The following PDLIM1 variants were observed in gnomAD, a reference collection of about 807,000 sequenced individuals.
PDLIM1 encodes the protein PDZ and LIM domain protein 1.
Under a neutral mutation model 35.2 loss-of-function variants are expected in PDLIM1, and 25 were observed. That is an observed-to-expected ratio of 0.71 (90% CI 0.52 to 0.99). The LOEUF is 0.99. Ranked by LOEUF, PDLIM1 falls within the 50% of genes least tolerant of loss-of-function variation. The pLI, the probability that PDLIM1 is intolerant of heterozygous loss-of-function variation, is 0.00. For missense variants in PDLIM1, 363 were observed against 415.3 expected (o/e 0.87, Z 1.09); for synonymous variants, 152 against 154.0 (o/e 0.99, Z 0.10).
chr10:95,254,531 A>G (rs540823784), intron 4 of PDLIM1, among the ~76,000 whole-genome samples: 1 of 152,362 alleles, frequency 6.6e-6, no homozygotes, highest in South Asian at 2.1e-4. Flanking sequence ...AAAGAGACAC[A>G]TTCACAATTT....
chr10:95,274,966 T>C (rs2035498761), intron 1 of PDLIM1, among the ~76,000 whole-genome samples: 1 of 152,206 alleles, frequency 6.6e-6, no homozygotes, highest in African/African-American at 2.4e-5. Context: ...GTTAGGAGGA[T>C]GAGAGGGGCC....
intron 1 of PDLIM1, among the ~76,000 whole-genome samples, chr10:95,285,711 A>AC (rs1737042208): frequency 6.6e-6 from 1 of 152,190 alleles, no homozygotes; most frequent in South Asian, 2.1e-4. Context: ...CTCCAGCTCT[A>AC]CCACTCACTG....
intron 4 of PDLIM1, among the ~76,000 whole-genome samples, chr10:95,262,872 G>A (rs751791316): frequency 6.6e-6 from 1 of 152,206 alleles, no homozygotes; most frequent in African/African-American, 2.4e-5. Flanking sequence ...AAAGGGCTTG[G>A]TGGCTCATGC....
rs59292355 is a variant in PDLIM1, at chr10:95,255,900, T to TACACACACACACAC, written c.533+7950_533+7963dup. ...GAAAACCCTAAAGATCCCCCCCCAC[T>TACACACACACACAC]ACACACACACACACACACACACACA... On this transcript the variant is annotated intron_variant, in intron 4 of 6. Transcript: ENST00000329399. Among the ~76,000 whole-genome samples the TACACACACACACAC allele has an allele frequency of 9.8e-3, 1,365 of 138,904 alleles. 14 individuals are homozygous for TACACACACACACAC. The highest frequency in any genetic ancestry group is 0.014 in the Middle Eastern group (4 of 276). 91.1% of individuals were successfully genotyped at this position (138,904 alleles called of 152,430 possible).
chr10:95,286,566 C>A (rs932772219), intron 1 of PDLIM1, among the ~76,000 whole-genome samples: 1 of 152,168 alleles, frequency 6.6e-6, no homozygotes, highest in African/African-American at 2.4e-5. Context: ...GGACATTGTA[C>A]CAGGCCCTCA....
intron 3 of PDLIM1, among the ~76,000 whole-genome samples, chr10:95,266,596 T>TGAGTTACTA (rs1394241262): frequency 6.6e-6 from 1 of 152,228 alleles, no homozygotes; most frequent in Non-Finnish European, 1.5e-5. Context: ...AGGATTTGTG[T>TGAGTTACTA]GAGTTACTAG....
intron 1 of PDLIM1, among the ~76,000 whole-genome samples, chr10:95,286,100 T>C (rs1046849905): frequency 2.0e-5 from 3 of 152,258 alleles, no homozygotes; most frequent in Admixed American, 1.3e-4. Context: ...CTCATGCCTG[T>C]AATCCCAGCA....
At chr10:95,267,995 G>A (rs1301052183) in intron 3 of PDLIM1, among the ~76,000 whole-genome samples, 1 of 152,114 alleles carries the variant, frequency 6.6e-6, no homozygotes, top group East Asian at 1.9e-4. Flanking sequence ...TGGGTGTGAG[G>A]AATTTTACAA....
At chr10:95,252,425 A>G (rs2035275450) in intron 4 of PDLIM1, among the ~76,000 whole-genome samples, 4 of 152,348 alleles carry the variant, frequency 2.6e-5, no homozygotes, top group African/African-American at 9.6e-5. Flanking sequence ...CATATCTGAG[A>G]GGAAGCCAGT....
Position 95,257,029 on chromosome 10 carries a change from AG to A in PDLIM1, c.533+6834del, listed in dbSNP as rs1589510537. On this transcript the variant is annotated intron_variant, in intron 4 of 6. Transcript: ENST00000329399. ...AAGAAAGAAAGAAAGAAAGAAAGAA[AG>A]AAAGAAAGAATTCAAAATAGATTAA... Among the ~76,000 whole-genome samples the A allele has an allele frequency of 1.4e-4, 21 of 150,716 alleles. 1 individual carries two copies. The South Asian group carries it at 1.9e-3, about 14-fold the overall frequency.
At chr10:95,244,350 C>T (rs993636351) in intron 5 of PDLIM1, among the ~76,000 whole-genome samples, 2 of 152,186 alleles carry the variant, frequency 1.3e-5, no homozygotes, top group Non-Finnish European at 2.9e-5. Flanking sequence ...AGTTTACAGA[C>T]GTGGCTTTAC....
intron 4 of PDLIM1, among the ~76,000 whole-genome samples, chr10:95,248,317 T>A (rs372033564): frequency 1.2e-3 from 180 of 152,322 alleles, no homozygotes; most frequent in African/African-American, 4.2e-3. Flanking sequence ...CAATCACAGG[T>A]AACTGTAACC....
chr10:95,247,124 CT>C, intron 5 of PDLIM1, 90 bp downstream of exon 5: 1 of 1,137,360 alleles, frequency 8.8e-7, no homozygotes, highest in South Asian at 1.5e-5. Context: ...CCAAAGCAGG[CT>C]CCAGAGTGTG....
At chr10:95,256,598 A>C (rs1414602664) in intron 4 of PDLIM1, among the ~76,000 whole-genome samples, 1 of 152,222 alleles carries the variant, frequency 6.6e-6, no homozygotes, top group East Asian at 1.9e-4. Context: ...TGGTTAAAGA[A>C]TAATTTCTTC....
chr10:95,282,682 G>A (rs2074683032), intron 1 of PDLIM1, among the ~76,000 whole-genome samples: 1 of 152,200 alleles, frequency 6.6e-6, no homozygotes, highest in Non-Finnish European at 1.5e-5. Flanking sequence ...GCTCATGCCG[G>A]TAATCCCAGC....
At chr10:95,276,812 C>G (rs2035515120) in intron 1 of PDLIM1, among the ~76,000 whole-genome samples, 1 of 145,504 alleles carries the variant, frequency 6.9e-6, no homozygotes. Flanking sequence ...ACTTAACCAA[C>G]TAGGCCACAC....
At position 95,263,966 on chromosome 10, in the gene PDLIM1, T is replaced by C; in HGVS notation, c.431A>G (p.Tyr144Cys). ...AGAGTAGAGGCCAGCTGGGTTGTTG[T>C]ACTGGTTTGTGATGACCCTGGCAGT... ...STTARVITNQ[Y>C]NNPAGLYSSE... Residue 144 changes from tyrosine to cysteine, a missense_variant, in exon 4 of 7, where the codon TAC becomes TGC. Coordinates refer to ENST00000329399, the MANE Select transcript of PDLIM1 (RefSeq NM_020992.4). 6.2e-7 allele frequency: 1 copy of C among 1,613,904 alleles called. No homozygotes were observed. Among genetic ancestry groups the C allele is most frequent in the Admixed American group, 1.7e-5 (1 of 60,020 alleles).
intron 2 of PDLIM1, among the ~76,000 whole-genome samples, chr10:95,270,737 A>G (rs1345906027): frequency 1.3e-5 from 2 of 152,116 alleles, no homozygotes; most frequent in Non-Finnish European, 2.9e-5. Flanking sequence ...ACAATGCAGT[A>G]GCAGCAGCAT....
chr10:95,278,616 CAAA>C (rs534222559), intron 1 of PDLIM1, among the ~76,000 whole-genome samples: 1 of 123,226 alleles, frequency 8.1e-6, no homozygotes, highest in African/African-American at 2.9e-5. Flanking sequence ...TGCCAAGTCT[CAAA>C]AAAAAAAAAG....
Sources: gnomAD v4.1 joint callset for allele counts (sites outside exome capture counted in the v4.1 genomes callset) on GRCh38, gnomAD v4.1.1 for gene constraint, MANE v1.5 for transcripts, NCBI Gene and HGNC (gene_info 2026-07-23, HGNC 2026-07-21) for gene names.